Variants in CPLX2 observed in about 807,000 individuals in gnomAD.
CPLX2 encodes the protein complexin-2.
A neutral mutation model predicts 16.3 loss-of-function variants in CPLX2; 5 were observed. That is an observed-to-expected ratio of 0.31 (90% confidence interval 0.16 to 0.64). The LOEUF (loss-of-function observed/expected upper bound fraction) is 0.64, where lower values mean the gene tolerates loss of function less well. CPLX2 is among the 30% of genes least tolerant of loss of function. CPLX2 has a pLI of 0.79. For missense variants in CPLX2, 144 were observed against 181.4 expected, an observed-to-expected ratio of 0.79 and a Z score of 1.18; for synonymous variants, 89 against 73.2, an observed-to-expected ratio of 1.22 and a Z score of -1.10.
At chr5:175,811,788 C>T (rs926593348) in intron 2 of CPLX2, among the ~76,000 whole-genome samples, 1 of 152,218 alleles carries the variant, frequency 6.6e-6, no homozygotes, top group Non-Finnish European at 1.5e-5. Flanking sequence ...CACTGAAGAG[C>T]TGGATAGCAG....
intron 2 of CPLX2, among the ~76,000 whole-genome samples, chr5:175,855,729 G>A (rs1043851198): frequency 3.3e-5 from 5 of 152,106 alleles, no homozygotes; most frequent in Non-Finnish European, 5.9e-5. Context: ...CCCCAGGATC[G>A]AGTCTCACTG....
chr5:175,878,864 C>A (rs1204461555), intron 2 of CPLX2, 44 bp from the exon 3 acceptor site: 1 of 1,608,912 alleles, frequency 6.2e-7, no homozygotes, highest in Non-Finnish European at 8.5e-7. Context: ...CCAGCCCTGA[C>A]CCCTAGCTGA....
Position 175,845,352 on chromosome 5 carries a change from A to G in CPLX2, c.-88-33300A>G, listed in dbSNP as rs1054902349. ...TGGCTCCTGCGGCCTCTCCGGCCTC[A>G]TTTCCTCAACTCTGCCCCTGCTCCC... On this transcript the variant is annotated intron_variant, in intron 2 of 4. Coordinates refer to the CPLX2 transcript ENST00000359546. This position sits in a 1 kb window ranked among gnomAD's most constrained non-coding sequence, Gnocchi z 4.0. 6.6e-6 allele frequency among the ~76,000 whole-genome samples: 1 copy of G among 152,074 alleles called. No individual in the cohort carries two copies. The highest frequency in any genetic ancestry group is 6.5e-5 in the Admixed American group (1 of 15,288).
At chr5:175,855,294 T>A (rs938531879) in intron 2 of CPLX2, among the ~76,000 whole-genome samples, 6 of 152,210 alleles carry the variant, frequency 3.9e-5, no homozygotes, top group African/African-American at 1.4e-4. Context: ...CCGTGACCTC[T>A]CAGCCAATAT....
chr5:175,838,218 A>T (rs1758872176), intron 2 of CPLX2, among the ~76,000 whole-genome samples: 1 of 150,218 alleles, frequency 6.7e-6, no homozygotes, highest in Admixed American at 6.6e-5. Flanking sequence ...CCACCCTTAC[A>T]TTCCTGCATG....
chr5:175,867,309 A>C (rs907361041), upstream of CPLX2, among the ~76,000 whole-genome samples: 4 of 152,102 alleles, frequency 2.6e-5, no homozygotes, highest in African/African-American at 9.7e-5. Context: ...CACATGTTCC[A>C]GCCCATTGTG....
At chr5:175,821,444 G>A (rs1177466944) in intron 2 of CPLX2, among the ~76,000 whole-genome samples, 2 of 151,608 alleles carry the variant, frequency 1.3e-5, no homozygotes, top group African/African-American at 2.4e-5. Flanking sequence ...TTTCGCTGTC[G>A]TCACCCAGGC....
chr5:175,849,698 C>G lies in CPLX2; in HGVS notation c.-88-28954C>G, dbSNP rs537820506. Among the ~76,000 whole-genome samples, 4 of 152,116 alleles carry G rather than the reference C, an allele frequency of 2.6e-5. No homozygotes were observed. Among genetic ancestry groups the G allele is most frequent in the Non-Finnish European group, 4.4e-5 (3 of 67,994 alleles). On this transcript the variant is annotated intron_variant, in intron 2 of 4. Coordinates refer to the CPLX2 transcript ENST00000359546. The surrounding 1 kb of genome is among the most constrained non-coding windows in gnomAD (Gnocchi z 4.4). ...TCATGGGAGAAGCCGGGCTTTGGAGCTGGACTCACCTGAGCCTCTCGGTGT... is the reference window on the plus strand; with the variant it reads ...TCATGGGAGAAGCCGGGCTTTGGAGGTGGACTCACCTGAGCCTCTCGGTGT...
intron 2 of CPLX2, among the ~76,000 whole-genome samples, chr5:175,844,338 C>A (rs1051959844): frequency 1.3e-5 from 2 of 152,202 alleles, no homozygotes; most frequent in African/African-American, 4.8e-5. Flanking sequence ...TCAGTGCCTA[C>A]CACACAGAAT....
chr5:175,851,471 C>T (rs531925397), intron 2 of CPLX2, among the ~76,000 whole-genome samples: 4 of 152,272 alleles, frequency 2.6e-5, no homozygotes, highest in South Asian at 4.1e-4. Flanking sequence ...AGAAGAAACA[C>T]GTGACTGGAG....
chr5:175,853,858 T>C (rs1759202838), intron 2 of CPLX2, among the ~76,000 whole-genome samples: 1 of 152,180 alleles, frequency 6.6e-6, no homozygotes, highest in Non-Finnish European at 1.5e-5. Flanking sequence ...ATTGCTGCAA[T>C]GCCCACTTTC....
rs545410315 is a variant in CPLX2 at position 175,847,024 on chromosome 5, C to T, written c.-88-31628C>T. ...GAGGCTACTTCTCCTATTTAGGAGG[C>T]GTTGAGATGAATCAACAAGGTGGTG... On this transcript the variant is annotated intron_variant, in intron 2 of 4. Transcript: ENST00000359546. Among the ~76,000 whole-genome samples, 4 of 152,252 alleles carry T rather than the reference C, an allele frequency of 2.6e-5. No homozygotes were observed. The East Asian group carries it at 7.7e-4, about 29-fold the overall frequency.
intron 1 of CPLX2, among the ~76,000 whole-genome samples, chr5:175,798,220 G>T (rs1054196079): frequency 2.6e-5 from 4 of 152,220 alleles, no homozygotes; most frequent in Non-Finnish European, 5.9e-5. Flanking sequence ...AGAGGAATGA[G>T]AAGATCAATA....
At chr5:175,856,405 ACTTGCCT>A (rs1349300995) in intron 2 of CPLX2, among the ~76,000 whole-genome samples, 3 of 152,136 alleles carry the variant, frequency 2.0e-5, no homozygotes, top group Admixed American at 2.0e-4. Flanking sequence ...AGGTGCAGTG[ACTTGCCT>A]ACAGTCACCC....
At chr5:175,802,182 A>G (rs1485256429) in intron 1 of CPLX2, among the ~76,000 whole-genome samples, 1 of 152,202 alleles carries the variant, frequency 6.6e-6, no homozygotes, top group Non-Finnish European at 1.5e-5. Flanking sequence ...ATCCTCTAGA[A>G]GCTCAGTGCT....
intron 2 of CPLX2, among the ~76,000 whole-genome samples, chr5:175,857,758 A>G (rs963505971): frequency 6.6e-6 from 1 of 152,180 alleles, no homozygotes; most frequent in Non-Finnish European, 1.5e-5. Context: ...GAGCCATTGT[A>G]TCTGTTAATT....
intron 2 of CPLX2, among the ~76,000 whole-genome samples, chr5:175,854,833 G>A (rs571823959): frequency 6.7e-4 from 102 of 152,190 alleles, no homozygotes; most frequent in South Asian, 4.1e-3. Context: ...CAGTGGGAGC[G>A]AAAAAATTAC....
Position 175,879,158 on chromosome 5 carries a change from G to C in CPLX2, c.207+75G>C, listed in dbSNP as rs1435881120. On this transcript the variant is annotated intron_variant, in intron 3 of 3. Coordinates refer to ENST00000393745, the MANE Select transcript of CPLX2 (RefSeq NM_001008220.2). ...ACCGGTCCAGCTAAAGCCCCTGCTGGGGCTCCCCTGGATCCCAGCTCTCAC... is the reference window on the plus strand; with the variant it reads ...ACCGGTCCAGCTAAAGCCCCTGCTGCGGCTCCCCTGGATCCCAGCTCTCAC... The C allele has an allele frequency of 4.2e-6, 6 of 1,434,872 alleles. No individual in the cohort carries two copies. The Admixed American group carries it at 1.2e-4, about 28-fold the overall frequency. The allele number at this position is 1,434,872 out of a possible 1,614,324, so 88.9% of individuals were successfully genotyped here. A position where few individuals can be genotyped will look rare whatever the true frequency, so the allele number is the denominator to read the frequency against.
intron 2 of CPLX2, among the ~76,000 whole-genome samples, chr5:175,852,513 C>T (rs1759177620): frequency 1.3e-5 from 2 of 152,212 alleles, no homozygotes; most frequent in Non-Finnish European, 2.9e-5. Flanking sequence ...CTTTCTGTGC[C>T]AGGCACCATG....
Sources: allele counts gnomAD v4.1 joint callset (sites outside exome capture counted in the v4.1 genomes callset), GRCh38; gene constraint gnomAD v4.1.1; non-coding constraint Gnocchi (gnomAD v3.1); transcripts MANE v1.5; gene names NCBI Gene and HGNC (gene_info 2026-07-23, HGNC 2026-07-21).